The following TRIM5 variants were observed in gnomAD, a reference collection of about 807,000 sequenced individuals.
TRIM5 encodes the protein tripartite motif-containing protein 5.
A neutral mutation model predicts 35.6 loss-of-function variants in TRIM5; 31 were observed. That is an observed-to-expected ratio of 0.87 (90% confidence interval 0.65 to 1.18). The LOEUF is 1.18. TRIM5 is among the 50% of genes most tolerant of loss of function. The pLI is 0.00. For missense variants in TRIM5, 609 were observed against 591.6 expected (o/e 1.03, Z -0.31); for synonymous variants, 243 against 215.6 (o/e 1.13, Z -1.11).
the TRIM5 span, among the ~76,000 whole-genome samples, chr11:5,609,762 T>A: frequency 5.3e-5 from 8 of 152,042 alleles, no homozygotes; most frequent in South Asian, 4.1e-4. Flanking sequence ...CTCTACTAAA[T>A]ATACAAGAAA....
Position 5,679,811 on chromosome 11 carries a change from G to C in TRIM5, c.367C>G (p.His123Asp). 6.2e-7 allele frequency: 1 copy of C among 1,612,150 alleles called. No homozygotes were observed. Among genetic ancestry groups the C allele is most frequent in the South Asian group, 1.1e-5 (1 of 90,798 alleles). The change falls in exon 2 of 8, where the codon CAC becomes GAC. Residue 123 changes from histidine (H) to aspartate (D), a missense_variant. By Grantham distance (81) the His-to-Asp change is moderately conservative. Coordinates refer to ENST00000380034, the MANE Select transcript of TRIM5 (RefSeq NM_033034.3). The stretch of plus-strand genomic sequence containing the variant: ...GTGAGGAACGTGTGGTGACCACGGT[G>C]CTCCTGAGACCGCTCACAAAGCCAG... The part of the protein sequence containing the change: ...ICWLCERSQE[H>D]RGHHTFLTEE...
the TRIM5 span, chr11:5,603,636 T>C: frequency 5.0e-5 from 80 of 1,613,400 alleles, no homozygotes; most frequent in Non-Finnish European, 6.8e-5. Flanking sequence ...AGCTCTTCTG[T>C]CAGGAGGATG....
At chr11:5,611,546 T>G in the TRIM5 span, 8 of 517,740 alleles carry the variant, frequency 1.5e-5, no homozygotes, top group African/African-American at 1.5e-4. Context: ...CTCTGCCTCC[T>G]GGGTTCAAGC....
At chr11:5,588,975 A>ATGG in the TRIM5 span, 1 of 151,820 alleles carries the variant, frequency 6.6e-6, no homozygotes, top group Admixed American at 6.6e-5. Context: ...TAGTAGAGGC[A>ATGG]GGGTTTCACC....
At chr11:5,653,983 T>C in the TRIM5 span, among the ~76,000 whole-genome samples, 1 of 152,148 alleles carries the variant, frequency 6.6e-6, no homozygotes, top group Non-Finnish European at 1.5e-5. Flanking sequence ...CCTTGAGTTC[T>C]TCACTTCTAA....
At chr11:5,654,346 G>A in the TRIM5 span, among the ~76,000 whole-genome samples, 7 of 152,158 alleles carry the variant, frequency 4.6e-5, no homozygotes, top group African/African-American at 1.4e-4. Context: ...AGTTTTGATT[G>A]AGTAGGGTAC....
At chr11:5,619,178 T>C in the TRIM5 span, among the ~76,000 whole-genome samples, 3 of 152,366 alleles carry the variant, frequency 2.0e-5, no homozygotes, top group East Asian at 5.8e-4. Context: ...AGTTGACATC[T>C]ACTCTGCATA....
chr11:5,664,183 A>T lies in TRIM5; in HGVS notation c.*626T>A. The T allele has an allele frequency of 1.1e-6, 1 of 921,522 alleles. No homozygotes were observed. The highest frequency in any genetic ancestry group is 1.3e-6 in the Non-Finnish European group (1 of 773,886). 57.1% of individuals were successfully genotyped at this position (921,522 alleles called of 1,614,324 possible). A position where few individuals can be genotyped will look rare whatever the true frequency, so the allele number is the denominator to read the frequency against. On this transcript the variant is annotated 3_prime_UTR_variant, in exon 8 of 8. Transcript: ENST00000380034. ...GCCATTGCACTCCAGCCTGGGGAAC[A>T]AGAGCAAAACTTCATCTCAAAAAAA... is the stretch of plus-strand genomic sequence containing the variant.
At chr11:5,676,198 G>T (rs906634392) in intron 4 of TRIM5, among the ~76,000 whole-genome samples, 1 of 151,772 alleles carries the variant, frequency 6.6e-6, no homozygotes, top group Non-Finnish European at 1.5e-5. Flanking sequence ...ATGATTTATA[G>T]TCCTTTGGGT....
In TRIM5 at chr11:5,679,924, A is replaced by G. The variant is rs1282213953; in HGVS notation, c.254T>C (p.Leu85Ser). ...ATCAACTTTCTGCCCCTCTGGGCTC[A>G]ACTTGACCTCCCTGAGCTTCTCCAC... The part of the protein sequence containing the change: ...NIVEKLREVK[L>S]SPEGQKVDHC... Residue 85 changes from leucine to serine, a missense_variant, in exon 2 of 8, where the codon TTG (leucine) becomes TCG (serine). By Grantham distance (145) the Leu-to-Ser change is moderately radical (BLOSUM62 -2). Coordinates refer to ENST00000380034, the MANE Select transcript of TRIM5 (RefSeq NM_033034.3). 1 of 1,613,944 alleles carries G rather than the reference A, an allele frequency of 6.2e-7. No individual in the cohort carries two copies. The highest frequency in any genetic ancestry group is 8.5e-7 in the Non-Finnish European group (1 of 1,180,024).
chr11:5,641,666 C>T, the TRIM5 span, among the ~76,000 whole-genome samples: 3 of 152,090 alleles, frequency 2.0e-5, no homozygotes, highest in Non-Finnish European at 2.9e-5. Context: ...AAAGTAGACT[C>T]GAGCCTCAGG....
At chr11:5,658,242 C>G (rs1364012957), downstream of TRIM5, among the ~76,000 whole-genome samples, 1 of 152,192 alleles carries the variant, frequency 6.6e-6, no homozygotes, top group South Asian at 2.1e-4. Flanking sequence ...GGAAGGCCAG[C>G]GACCAATGGA....
the TRIM5 span, chr11:5,641,189 G>A: frequency 6.2e-7 from 1 of 1,613,502 alleles, no homozygotes. Context: ...ATCATGAAAT[G>A]GTGCGTATGG....
chr11:5,672,358 C>T (rs552185182), intron 4 of TRIM5, among the ~76,000 whole-genome samples: 6 of 151,946 alleles, frequency 3.9e-5, no homozygotes, highest in Admixed American at 6.6e-5. Flanking sequence ...ATTACAGGCA[C>T]GTGCCACCAT....
At chr11:5,645,974 T>A in the TRIM5 span, 1 of 124,402 alleles carries the variant, frequency 8.0e-6, no homozygotes, top group Non-Finnish European at 1.5e-5. Context: ...TGTGTATGTA[T>A]TTATAACATA....
the TRIM5 span, among the ~76,000 whole-genome samples, chr11:5,615,583 T>TG: frequency 1.6e-3 from 186 of 113,668 alleles, no homozygotes; most frequent in African/African-American, 6.0e-3. Flanking sequence ...TTTTGTTTTT[T>TG]TTTTGTTGTT....
downstream of TRIM5, among the ~76,000 whole-genome samples, chr11:5,658,540 G>A (rs1590211213): frequency 6.6e-6 from 1 of 152,180 alleles, no homozygotes; most frequent in African/African-American, 2.4e-5. Flanking sequence ...GCAGCAAAGA[G>A]GAAACTCCTC....
In TRIM5 at chr11:5,665,151, T is replaced by C; in HGVS notation, c.1140A>G (p.Gln380=). The C allele has an allele frequency of 6.2e-7, 1 of 1,614,100 alleles. No individual in the cohort carries two copies. Among genetic ancestry groups the C allele is most frequent in the African/African-American group, 1.3e-5 (1 of 75,014 alleles). Residue 380 remains glutamine, a synonymous_variant, in exon 8 of 8, where the codon CAA becomes CAG. Coordinates refer to ENST00000380034, the MANE Select transcript of TRIM5 (RefSeq NM_033034.3). ...TTTCAATATTACACATTGCATCAGG[T>C]TGGAAGCCAGCACATACCCCCAGGA... is the stretch of plus-strand genomic sequence containing the variant. ...AWILGVCAGF[Q]PDAMCNIEKN...
chr11:5,647,596 C>T, the TRIM5 span, among the ~76,000 whole-genome samples: 3 of 152,130 alleles, frequency 2.0e-5, no homozygotes, highest in African/African-American at 7.2e-5. Context: ...AATCTTGGCT[C>T]ACTGCAACCT....
Sources: allele counts gnomAD v4.1 joint callset (sites outside exome capture counted in the v4.1 genomes callset), GRCh38; gene constraint gnomAD v4.1.1; transcripts MANE v1.5; gene names NCBI Gene and HGNC (gene_info 2026-07-23, HGNC 2026-07-21).